CSMD1: variants seen among roughly 807,000 people sequenced by gnomAD.
CSMD1 encodes CUB and Sushi multiple domains 1.
In CSMD1, 213 loss-of-function variants were observed where a neutral mutation model predicts 417.5. That is an observed-to-expected ratio of 0.51 (90% CI 0.46 to 0.57). The LOEUF is 0.57. Ranked by LOEUF, CSMD1 falls within the 20% of genes least tolerant of loss-of-function variation. The pLI is 0.00. For missense variants in CSMD1, 6,923 were observed against 4,529.7 expected (o/e 1.53, Z -15.17); for synonymous variants, 2,862 against 1,736.8 (o/e 1.65, Z -16.11).
In CSMD1 at chr8:3,753,812, A is replaced by T. The variant is rs1378651279; in HGVS notation, c.931+118T>A. Reference sequence around the variant, plus strand: ...TGATTTCCAAAGATAACTGTGAATAAAAGAATTAGAAACCATTTTCAAGCT... The same window carrying T: ...TGATTTCCAAAGATAACTGTGAATATAAGAATTAGAAACCATTTTCAAGCT... On this transcript the variant is annotated intron_variant, in intron 6 of 69. Transcript: ENST00000635120. The T allele has an allele frequency of 4.7e-6, 3 of 634,384 alleles. No individual in the cohort carries two copies. In the East Asian group the frequency reaches 8.8e-5, roughly 19 times the overall value. The allele number at this position is 634,384 out of a possible 1,614,324, so 39.3% of individuals were successfully genotyped here.
At chr8:3,881,617 A>AC (rs1017510007) in intron 5 of CSMD1, among the ~76,000 whole-genome samples, 38 of 144,318 alleles carry the variant, frequency 2.6e-4, no homozygotes, top group South Asian at 1.7e-3. Flanking sequence ...TCAAAAAAAA[A>AC]AAAAACAAAA....
At chr8:3,176,742 G>A (rs755504306) in intron 37 of CSMD1, among the ~76,000 whole-genome samples, 2 of 151,808 alleles carry the variant, frequency 1.3e-5, no homozygotes, top group Admixed American at 6.6e-5. Flanking sequence ...GTACCCTGGT[G>A]ACCTCATTTC....
At chr8:4,691,111 G>T (rs1000772656) in intron 1 of CSMD1, among the ~76,000 whole-genome samples, 10 of 152,140 alleles carry the variant, frequency 6.6e-5, no homozygotes, top group African/African-American at 2.2e-4. Flanking sequence ...CCATCTTTAT[G>T]ACAGAATGAA....
intron 2 of CSMD1, among the ~76,000 whole-genome samples, chr8:4,605,461 T>G (rs1333820191): frequency 6.6e-6 from 1 of 152,214 alleles, no homozygotes; most frequent in Non-Finnish European, 1.5e-5. Context: ...ATCCTGATTA[T>G]GATGATTCAT....
At chr8:4,221,204 C>T (rs1008284485) in intron 3 of CSMD1, among the ~76,000 whole-genome samples, 12 of 152,078 alleles carry the variant, frequency 7.9e-5, no homozygotes, top group African/African-American at 2.9e-4. Flanking sequence ...AGTCTCTGCC[C>T]CATAAATATT....
At chr8:3,631,625 C>T (rs548238480) in intron 7 of CSMD1, among the ~76,000 whole-genome samples, 1 of 152,290 alleles carries the variant, frequency 6.6e-6, no homozygotes, top group African/African-American at 2.4e-5. Context: ...TTTTGCAACA[C>T]TGAAGATCAC....
intron 3 of CSMD1, among the ~76,000 whole-genome samples, chr8:4,165,079 A>G (rs1047305224): frequency 2.0e-5 from 3 of 152,110 alleles, no homozygotes; most frequent in African/African-American, 4.8e-5. Flanking sequence ...TTAGGTGGGT[A>G]CAGATGTGTG....
At chr8:3,574,664 G>A (rs1223823506) in intron 10 of CSMD1, among the ~76,000 whole-genome samples, 1 of 152,160 alleles carries the variant, frequency 6.6e-6, no homozygotes, top group East Asian at 1.9e-4. Flanking sequence ...GACCTGAGTT[G>A]AAAAAGACAT....
chr8:3,473,075 G>A (rs530909344), intron 11 of CSMD1, among the ~76,000 whole-genome samples: 5 of 152,106 alleles, frequency 3.3e-5, no homozygotes, highest in Non-Finnish European at 5.9e-5. Context: ...TACTAAAAAC[G>A]TAATTGTCAT....
At chr8:4,722,064 A>G (rs1035044965) in intron 1 of CSMD1, among the ~76,000 whole-genome samples, 7 of 152,190 alleles carry the variant, frequency 4.6e-5, no homozygotes, top group South Asian at 4.1e-4. Context: ...GAACTTATGT[A>G]GGATGAATAA....
chr8:4,034,505 G>A (rs1261537014), intron 3 of CSMD1, among the ~76,000 whole-genome samples: 1 of 152,116 alleles, frequency 6.6e-6, no homozygotes. Flanking sequence ...CATGTGTGCT[G>A]TTTATAGTAC....
chr8:4,854,604 G>A (rs34229155), intron 1 of CSMD1, among the ~76,000 whole-genome samples: 40,311 of 151,872 alleles, frequency 0.27, 5,888 homozygotes, highest in Non-Finnish European at 0.34. Flanking sequence ...CACTTGGGAA[G>A]CGGAAGGGGT....
At chr8:4,127,761 C>T (rs1006130711) in intron 3 of CSMD1, among the ~76,000 whole-genome samples, 3 of 152,172 alleles carry the variant, frequency 2.0e-5, no homozygotes, top group Non-Finnish European at 4.4e-5. Flanking sequence ...CAAGTCTTGA[C>T]ATATATTGTC....
chr8:4,038,115 C>A (rs972084218), intron 3 of CSMD1, among the ~76,000 whole-genome samples: 1 of 151,882 alleles, frequency 6.6e-6, no homozygotes, highest in East Asian at 1.9e-4. Flanking sequence ...TTAGATCTAC[C>A]ATTTAAGGTT....
rs544147102 is a variant in CSMD1, at chr8:4,982,167, G to C, written c.85+12165C>G. On this transcript the variant is annotated intron_variant, in intron 1 of 69. Coordinates refer to ENST00000635120, the MANE Select transcript of CSMD1 (RefSeq NM_033225.6). ...AGACCTTAAGCAGAGACCCAGCTAA[G>C]CTGCCAAGCCATGCACAGACCCCTG... 2.0e-5 allele frequency among the ~76,000 whole-genome samples: 3 copies of C among 152,308 alleles called. No homozygotes were observed. The South Asian group carries it at 6.2e-4, about 32-fold the overall frequency.
intron 2 of CSMD1, among the ~76,000 whole-genome samples, chr8:4,542,775 G>C (rs1797451249): frequency 6.6e-6 from 1 of 151,960 alleles, no homozygotes; most frequent in Admixed American, 6.6e-5. Flanking sequence ...ACATATGGTA[G>C]CCATACATAT....
chr8:4,357,996 C>G (rs1801527572), intron 3 of CSMD1, among the ~76,000 whole-genome samples: 2 of 152,072 alleles, frequency 1.3e-5, no homozygotes, highest in Admixed American at 6.5e-5. Flanking sequence ...ATAAACATCT[C>G]CCTCCCCTTC....
chr8:4,787,780 A>G, intron 1 of CSMD1: 1 of 1,573,046 alleles, frequency 6.4e-7, no homozygotes, highest in Non-Finnish European at 8.7e-7. Context: ...TGGACTTGTT[A>G]CAGGCCAGAC....
At chr8:4,583,862 T>C (rs936208544) in intron 2 of CSMD1, among the ~76,000 whole-genome samples, 4 of 152,020 alleles carry the variant, frequency 2.6e-5, no homozygotes, top group Non-Finnish European at 5.9e-5. Flanking sequence ...GGAAGCTTTG[T>C]TCTTTCACTC....
Sources: allele counts gnomAD v4.1 joint callset (sites outside exome capture counted in the v4.1 genomes callset), GRCh38; gene constraint gnomAD v4.1.1; transcripts MANE v1.5; gene names NCBI Gene and HGNC (gene_info 2026-07-23, HGNC 2026-07-21).